The following NNT variants were observed in gnomAD, a reference collection of about 807,000 sequenced individuals.
NNT encodes NAD(P) transhydrogenase, mitochondrial.
Under a neutral mutation model 104.8 loss-of-function variants are expected in NNT, and 50 were observed. The ratio of observed to expected loss-of-function variants is 0.48; its 90% CI spans 0.38 to 0.60. The LOEUF is 0.60. Ranked by LOEUF, NNT falls within the 20% of genes least tolerant of loss-of-function variation. The probability of loss-of-function intolerance (pLI) is 0.00; values close to 1 mark genes in which losing one functional copy is unlikely to be tolerated. For synonymous variants in NNT, 461 were observed against 490.4 expected (o/e 0.94, Z 0.79); for missense variants, 1,131 against 1,330.7 (o/e 0.85, Z 2.33).
chr5:43,624,161 T>C, intron 6 of NNT, 41 bp downstream of exon 6: 1 of 1,578,554 alleles, frequency 6.3e-7, no homozygotes, highest in East Asian at 2.2e-5. Context: ...GTAAAAACAT[T>C]TTGTTTCAGG....
chr5:43,669,714 TTCA>T (rs1490728043), intron 17 of NNT, among the ~76,000 whole-genome samples: 1 of 152,238 alleles, frequency 6.6e-6, no homozygotes, highest in East Asian at 1.9e-4. Context: ...TGCATCGATG[TTCA>T]TCGAGGATAT....
intron 17 of NNT, among the ~76,000 whole-genome samples, chr5:43,663,631 C>T (rs779170331): frequency 6.6e-5 from 10 of 152,078 alleles, no homozygotes; most frequent in Non-Finnish European, 1.2e-4. Flanking sequence ...CTAGGTAGAT[C>T]GGTATAATCA....
chr5:43,665,996 G>T (rs541636507), intron 17 of NNT, among the ~76,000 whole-genome samples: 19 of 152,146 alleles, frequency 1.2e-4, no homozygotes, highest in African/African-American at 4.1e-4. Flanking sequence ...TCTCAGACGG[G>T]GCAGCGGGGC....
chr5:43,616,146 G>A, intron 4 of NNT, 81 bp downstream of exon 4: 1 of 1,125,022 alleles, frequency 8.9e-7, no homozygotes, highest in Non-Finnish European at 1.3e-6. Flanking sequence ...CTGTCTTACA[G>A]TGATTTTATT....
intron 6 of NNT, among the ~76,000 whole-genome samples, chr5:43,626,065 A>G (rs752457133): frequency 4.6e-5 from 7 of 152,124 alleles, no homozygotes; most frequent in African/African-American, 7.2e-5. Context: ...TATTTAAACA[A>G]TACTCTGTAG....
chr5:43,638,065 C>T (rs1394276164), intron 7 of NNT, among the ~76,000 whole-genome samples: 3 of 152,126 alleles, frequency 2.0e-5, no homozygotes, highest in East Asian at 1.9e-4. Context: ...CTCGTGATAG[C>T]GAGCTAGTTC....
chr5:43,695,954 G>A (rs112300301), intron 19 of NNT, among the ~76,000 whole-genome samples: 353 of 152,182 alleles, frequency 2.3e-3, no homozygotes, highest in African/African-American at 8.1e-3. Context: ...CACAACACAC[G>A]GGAATTCAAG....
chr5:43,671,135 G>A (rs1010186362), intron 17 of NNT, among the ~76,000 whole-genome samples: 14 of 152,146 alleles, frequency 9.2e-5, no homozygotes, highest in Admixed American at 7.9e-4. Flanking sequence ...CCATTTGCTT[G>A]GTAGGTCTTC....
intron 19 of NNT, among the ~76,000 whole-genome samples, chr5:43,692,139 A>T (rs1742314777): frequency 6.6e-6 from 1 of 152,204 alleles, no homozygotes; most frequent in African/African-American, 2.4e-5. Context: ...CTACTGTCTG[A>T]TTATAGATCA....
In NNT at chr5:43,675,689, A is replaced by C; in HGVS notation, c.2794+19A>C. 6.3e-7 allele frequency: 1 copy of C among 1,575,424 alleles called. No homozygotes were observed. Among genetic ancestry groups the C allele is most frequent in the Non-Finnish European group, 8.6e-7 (1 of 1,161,224 alleles). On this transcript the variant is annotated intron_variant, in intron 18 of 21. Coordinates refer to ENST00000344920, the MANE Select transcript of NNT (RefSeq NM_182977.3). Reference sequence around the variant, plus strand: ...ACACCAGGTAAAGAAAAAAAGCAAAAGCAAATAACCTATAATAGCTGTTAT... The same window carrying C: ...ACACCAGGTAAAGAAAAAAAGCAAACGCAAATAACCTATAATAGCTGTTAT...
intron 13 of NNT, among the ~76,000 whole-genome samples, chr5:43,652,555 G>C (rs1739821831): frequency 6.6e-6 from 1 of 150,538 alleles, no homozygotes; most frequent in African/African-American, 2.4e-5. Flanking sequence ...AGAAGAGTTG[G>C]AGCAGTGAGT....
chr5:43,651,402 C>T (rs1739751869), intron 12 of NNT, among the ~76,000 whole-genome samples: 1 of 147,700 alleles, frequency 6.8e-6, no homozygotes, highest in South Asian at 2.1e-4. Context: ...CACGATGAAA[C>T]CCCCCTCTCT....
At chr5:43,669,525 T>A (rs1282521614) in intron 17 of NNT, among the ~76,000 whole-genome samples, 3 of 152,130 alleles carry the variant, frequency 2.0e-5, no homozygotes, top group Non-Finnish European at 4.4e-5. Flanking sequence ...CTTTTCTGCA[T>A]CTATTGAGAT....
chr5:43,689,043 C>T lies in NNT; in HGVS notation c.2877-11076C>T, dbSNP rs750103432. Among the ~76,000 whole-genome samples the T allele has an allele frequency of 5.3e-5, 8 of 152,120 alleles. 1 individual carries two copies. Among genetic ancestry groups the T allele is most frequent in the Non-Finnish European group, 1.2e-4 (8 of 68,012 alleles). ...AAAAATGTTTCCTTTTCACTACATC[C>T]CCACCAACCTTTATTATTTTTTGAT... On this transcript the variant is annotated intron_variant, in intron 19 of 21. Transcript: ENST00000344920.
intron 3 of NNT, 171 bp downstream of exon 3, chr5:43,613,308 T>C: frequency 1.7e-6 from 1 of 586,174 alleles, no homozygotes. Flanking sequence ...CCAGTAAAAC[T>C]TTTATCAGAC....
intron 3 of NNT, among the ~76,000 whole-genome samples, chr5:43,614,241 T>C (rs1242464252): frequency 6.6e-6 from 1 of 152,248 alleles, no homozygotes; most frequent in Non-Finnish European, 1.5e-5. Context: ...ACAATGTATA[T>C]AAGCAGTTAA....
At chr5:43,701,521 T>G (rs901494475) in intron 20 of NNT, among the ~76,000 whole-genome samples, 2 of 152,128 alleles carry the variant, frequency 1.3e-5, no homozygotes, top group Admixed American at 1.3e-4. Flanking sequence ...TCTTTGCTAT[T>G]GTGAATAGTG....
At chr5:43,615,069 G>A (rs1231106202) in intron 3 of NNT, among the ~76,000 whole-genome samples, 4 of 151,902 alleles carry the variant, frequency 2.6e-5, no homozygotes, top group African/African-American at 7.2e-5. Flanking sequence ...CCCGGGAAGC[G>A]GAGCTTGCAG....
At chr5:43,609,425 A>G in intron 2 of NNT, 79 bp downstream of exon 2, 1 of 1,442,680 alleles carries the variant, frequency 6.9e-7, no homozygotes, top group Non-Finnish European at 9.5e-7. Context: ...ATAAAAGGAA[A>G]AGCCATGTAG....
Sources: gnomAD v4.1 joint callset for allele counts (sites outside exome capture counted in the v4.1 genomes callset) on GRCh38, gnomAD v4.1.1 for gene constraint, MANE v1.5 for transcripts, NCBI Gene and HGNC (gene_info 2026-07-23, HGNC 2026-07-21) for gene names.